The following RBFOX3 variants were observed in gnomAD, a reference collection of about 807,000 sequenced individuals.
The protein encoded by RBFOX3 is RNA binding fox-1 homolog 3.
RBFOX3 carries 17 observed loss-of-function variants against 48.7 expected under a neutral mutation model. The observed-to-expected ratio is 0.35, with a 90% confidence interval of 0.24 to 0.52. The LOEUF is 0.52. Ranked by LOEUF, RBFOX3 falls within the 20% of genes least tolerant of loss-of-function variation. The pLI is 0.94. For missense variants in RBFOX3, 382 were observed against 497.5 expected (o/e 0.77, Z 2.21); for synonymous variants, 212 against 209.5 (o/e 1.01, Z -0.10).
chr17:79,164,901 A>AT (rs2047690232), intron 4 of RBFOX3, among the ~76,000 whole-genome samples: 1 of 152,186 alleles, frequency 6.6e-6, no homozygotes, highest in African/African-American at 2.4e-5. Context: ...CTGCACCAGA[A>AT]TCACCCAAGG....
At position 79,149,253 on chromosome 17, in the gene RBFOX3, T is replaced by G. The variant is rs186416807; in HGVS notation, c.-33-33505A>C. On this transcript the variant is annotated intron_variant, in intron 4 of 14. Transcript: ENST00000693108. ...CTGGGAAGGTGGCAGGGCATCCATCTGGGGCTTAGTAGAGCGTGGGAGGCA... is the reference window on the plus strand; with the variant it reads ...CTGGGAAGGTGGCAGGGCATCCATCGGGGGCTTAGTAGAGCGTGGGAGGCA... 7.0e-3 allele frequency among the ~76,000 whole-genome samples: 1,063 copies of G among 152,300 alleles called. 1 individual carries two copies. The highest frequency in any genetic ancestry group is 0.01 in the Middle Eastern group (3 of 294).
At chr17:79,235,111 G>C (rs1394834255) in intron 4 of RBFOX3, 1 of 152,156 alleles carries the variant, frequency 6.6e-6, no homozygotes, top group Non-Finnish European at 1.5e-5. Flanking sequence ...AGGTCCAGAA[G>C]CATCATACTT....
At chr17:79,360,588 G>A (rs182523671) in intron 2 of RBFOX3, among the ~76,000 whole-genome samples, 193 of 152,308 alleles carry the variant, frequency 1.3e-3, no homozygotes, top group African/African-American at 4.2e-3. Context: ...ACCGCTGCCC[G>A]TGGAGGGATA....
chr17:79,398,932 T>G (rs539728436), intron 2 of RBFOX3, among the ~76,000 whole-genome samples: 66 of 152,250 alleles, frequency 4.3e-4, no homozygotes, highest in African/African-American at 1.5e-3. Context: ...GCCGATGTAA[T>G]CAGGTAAAGA....
chr17:79,151,033 C>T (rs1335393053), intron 4 of RBFOX3, among the ~76,000 whole-genome samples: 6 of 152,226 alleles, frequency 3.9e-5, no homozygotes, highest in South Asian at 2.1e-4. Flanking sequence ...CCCCAGTCCA[C>T]GCTCCGCAAG....
At chr17:79,321,705 C>CTTTTTT (rs55633027) in intron 2 of RBFOX3, among the ~76,000 whole-genome samples, 40 of 134,096 alleles carry the variant, frequency 3.0e-4, no homozygotes, top group African/African-American at 1.0e-3. Flanking sequence ...AGGAATCTGG[C>CTTTTTT]TTTTTTTTTT....
At chr17:79,175,519 C>T (rs1408383675) in intron 4 of RBFOX3, among the ~76,000 whole-genome samples, 1 of 152,376 alleles carries the variant, frequency 6.6e-6, no homozygotes, top group East Asian at 1.9e-4. Context: ...TTCCCGCGGG[C>T]GTGCTGCCCA....
At chr17:79,427,890 T>C (rs55650531) in intron 2 of RBFOX3, among the ~76,000 whole-genome samples, 7,450 of 152,336 alleles carry the variant, frequency 0.049, 485 homozygotes, top group African/African-American at 0.14. Context: ...GGATGCTTTG[T>C]CTCCCAGCCA....
intron 2 of RBFOX3, among the ~76,000 whole-genome samples, chr17:79,425,241 T>C (rs546631127): frequency 6.6e-6 from 1 of 152,264 alleles, no homozygotes; most frequent in African/African-American, 2.4e-5. Flanking sequence ...CGTCCAGACC[T>C]AACTCCTTCC....
chr17:79,263,644 C>T (rs958717491), intron 3 of RBFOX3, among the ~76,000 whole-genome samples: 2 of 152,144 alleles, frequency 1.3e-5, no homozygotes, highest in African/African-American at 4.8e-5. Flanking sequence ...GACCAAATGC[C>T]ACCACACCCC....
chr17:79,447,110 T>TC (rs2072485588), intron 2 of RBFOX3, among the ~76,000 whole-genome samples: 1 of 152,240 alleles, frequency 6.6e-6, no homozygotes, highest in South Asian at 2.1e-4. Flanking sequence ...GGACGTGCAG[T>TC]CCCTGCCTTC....
At chr17:79,457,110 C>G (rs1264607081) in intron 2 of RBFOX3, among the ~76,000 whole-genome samples, 2 of 152,246 alleles carry the variant, frequency 1.3e-5, no homozygotes, top group Non-Finnish European at 2.9e-5. Context: ...ACCCTCCTCC[C>G]CAGGGCATGG....
At chr17:79,617,991 A>T in the RBFOX3 span, among the ~76,000 whole-genome samples, 1 of 152,194 alleles carries the variant, frequency 6.6e-6, no homozygotes, top group African/African-American at 2.4e-5. Context: ...GCGACTCCAT[A>T]TCAGTGCCCA....
At chr17:79,333,647 G>A (rs1159836173) in intron 2 of RBFOX3, among the ~76,000 whole-genome samples, 1 of 152,200 alleles carries the variant, frequency 6.6e-6, no homozygotes, top group African/African-American at 2.4e-5. Flanking sequence ...CCTGGGGGAA[G>A]AATGTCCCAT....
intron 1 of RBFOX3, among the ~76,000 whole-genome samples, chr17:79,534,927 CA>C (rs1361046640): frequency 4.6e-5 from 7 of 152,148 alleles, no homozygotes; most frequent in Admixed American, 6.5e-5. Context: ...AGACAAAGAC[CA>C]GGGGGAGAAA....
intron 8 of RBFOX3, among the ~76,000 whole-genome samples, 181 bp downstream of exon 8, chr17:79,102,981 G>GTGAT (rs1301546952): frequency 2.0e-5 from 3 of 151,788 alleles, no homozygotes; most frequent in Admixed American, 1.3e-4. Context: ...GGGGTGACAG[G>GTGAT]TGATAGGGCT....
intron 4 of RBFOX3, among the ~76,000 whole-genome samples, chr17:79,187,304 C>T (rs866848406): frequency 6.6e-6 from 1 of 152,208 alleles, no homozygotes; most frequent in Non-Finnish European, 1.5e-5. Context: ...TCCTGCCCCT[C>T]TTTCCCCTTC....
At chr17:79,641,801 C>T in the RBFOX3 span, among the ~76,000 whole-genome samples, 1 of 152,102 alleles carries the variant, frequency 6.6e-6, no homozygotes, top group Admixed American at 6.5e-5. Context: ...ACACCATCTC[C>T]CTTGGTGCTG....
chr17:79,433,813 G>A (rs978272417), intron 2 of RBFOX3, among the ~76,000 whole-genome samples: 22 of 152,164 alleles, frequency 1.4e-4, no homozygotes, highest in African/African-American at 5.1e-4. Flanking sequence ...CTAAACCAAG[G>A]GCTCCCGGGG....
Sources: allele counts gnomAD v4.1 joint callset (sites outside exome capture counted in the v4.1 genomes callset), GRCh38; gene constraint gnomAD v4.1.1; transcripts MANE v1.5; gene names NCBI Gene and HGNC (gene_info 2026-07-23, HGNC 2026-07-21).